Variants in MPP7 observed in about 807,000 individuals in gnomAD.
MPP7 encodes MAGUK p55 subfamily member 7.
MPP7 carries 60 observed loss-of-function variants against 76.5 expected under a neutral mutation model. The ratio of observed to expected loss-of-function variants is 0.78; its 90% CI spans 0.64 to 0.97. The LOEUF is 0.97. MPP7 is among the 50% of genes least tolerant of loss of function. The pLI is 0.00. For missense variants in MPP7, 641 were observed against 694.0 expected (o/e 0.92, Z 0.86); for synonymous variants, 237 against 244.5 (o/e 0.97, Z 0.29).
intron 1 of MPP7, among the ~76,000 whole-genome samples, chr10:28,281,291 A>G (rs537290007): frequency 1.1e-4 from 17 of 152,036 alleles, no homozygotes; most frequent in African/African-American, 3.6e-4. Context: ...GTTTTGCCAC[A>G]TTGGCCAGGC....
intron 3 of MPP7, among the ~76,000 whole-genome samples, chr10:28,186,826 C>T (rs754995968): frequency 9.9e-5 from 15 of 152,274 alleles, no homozygotes; most frequent in Non-Finnish European, 1.8e-4. Flanking sequence ...CAGTGGGAAA[C>T]GCTCATCTCT....
intron 1 of MPP7, among the ~76,000 whole-genome samples, chr10:28,297,333 A>T (rs1471774500): frequency 6.6e-6 from 1 of 152,184 alleles, no homozygotes; most frequent in Non-Finnish European, 1.5e-5. Context: ...TTTTGCCTTG[A>T]TGTTGATGGC....
chr10:28,320,686 T>C (rs2133183202), intron 2 of MPP7, among the ~76,000 whole-genome samples: 1 of 152,236 alleles, frequency 6.6e-6, no homozygotes, highest in South Asian at 2.1e-4. Context: ...TTATTCAGGG[T>C]GGGCGGTCCA....
chr10:28,146,730 C>G (rs1364053554), intron 5 of MPP7, among the ~76,000 whole-genome samples: 3 of 152,134 alleles, frequency 2.0e-5, no homozygotes, highest in African/African-American at 7.2e-5. Flanking sequence ...TCATCACAAG[C>G]TAAATGATCA....
rs921743844 is a variant in MPP7, at chr10:28,185,960, C to T, written c.156+16193G>A. Among the ~76,000 whole-genome samples the T allele has an allele frequency of 3.3e-5, 5 of 152,166 alleles. No homozygotes were observed. In the South Asian group the frequency reaches 1.0e-3, roughly 32 times the overall value. On this transcript the variant is annotated intron_variant, in intron 3 of 16. Transcript: ENST00000683449. Reference sequence around the variant, plus strand: ...TAGCCTCCACACAGCCTTGACACAGCAGATCCCACAGCACTCCCTTGTTCA... The same window carrying T: ...TAGCCTCCACACAGCCTTGACACAGTAGATCCCACAGCACTCCCTTGTTCA...
At chr10:28,167,023 T>C (rs915962456) in intron 3 of MPP7, among the ~76,000 whole-genome samples, 8 of 152,056 alleles carry the variant, frequency 5.3e-5, no homozygotes, top group African/African-American at 1.7e-4. Context: ...TGAACTCTGC[T>C]AGTGGGGCCG....
chr10:28,249,174 T>C (rs1299414039), intron 1 of MPP7, among the ~76,000 whole-genome samples: 1 of 152,042 alleles, frequency 6.6e-6, no homozygotes, highest in African/African-American at 2.4e-5. Flanking sequence ...TGTTTCTGCC[T>C]GTCCTCTTCT....
At chr10:28,274,155 T>G (rs1387000093) in intron 1 of MPP7, among the ~76,000 whole-genome samples, 2 of 144,864 alleles carry the variant, frequency 1.4e-5, no homozygotes, top group Non-Finnish European at 3.0e-5. Context: ...CAGGCTGGAG[T>G]GCAGTGGCGC....
At chr10:28,245,400 C>T (rs1839400603) in intron 1 of MPP7, among the ~76,000 whole-genome samples, 1 of 152,178 alleles carries the variant, frequency 6.6e-6, no homozygotes, top group Non-Finnish European at 1.5e-5. Flanking sequence ...TCATATGTCC[C>T]TAAAAACTGA....
At chr10:28,244,028 C>T (rs1839355111) in intron 1 of MPP7, among the ~76,000 whole-genome samples, 1 of 152,152 alleles carries the variant, frequency 6.6e-6, no homozygotes. Context: ...CAAGGTTTGG[C>T]AAACATTCTC....
At chr10:28,295,155 T>C (rs1166015490) in intron 1 of MPP7, among the ~76,000 whole-genome samples, 3 of 152,234 alleles carry the variant, frequency 2.0e-5, no homozygotes, top group Non-Finnish European at 4.4e-5. Context: ...GAACCACTGG[T>C]AGAAATTTTT....
chr10:28,218,152 G>A (rs958856496), intron 2 of MPP7, among the ~76,000 whole-genome samples: 1 of 152,190 alleles, frequency 6.6e-6, no homozygotes, highest in African/African-American at 2.4e-5. Flanking sequence ...TCAGTAGGGA[G>A]GAGGCCAAAA....
At chr10:28,084,722 A>G (rs1366603224) in intron 12 of MPP7, among the ~76,000 whole-genome samples, 5 of 152,220 alleles carry the variant, frequency 3.3e-5, no homozygotes, top group African/African-American at 1.2e-4. Flanking sequence ...CTTTCGTGGT[A>G]AGTGGAAGAC....
chr10:28,333,811 A>G (rs1379720942), intron 1 of MPP7, among the ~76,000 whole-genome samples: 1 of 152,226 alleles, frequency 6.6e-6, no homozygotes. Flanking sequence ...GGAAAAGCAG[A>G]GGTTTCCTCC....
chr10:28,058,663 G>T (rs1851657023), intron 14 of MPP7, 60 bp from the exon 15 acceptor site: 2 of 924,114 alleles, frequency 2.2e-6, no homozygotes, highest in African/African-American at 1.7e-5. Context: ...TAGGTGGCAA[G>T]ATAAAATTCA....
intron 3 of MPP7, among the ~76,000 whole-genome samples, chr10:28,192,634 T>C (rs1837447164): frequency 6.6e-6 from 1 of 152,186 alleles, no homozygotes. Context: ...AAGATCTCAA[T>C]AAATTGAGGA....
intron 3 of MPP7, among the ~76,000 whole-genome samples, chr10:28,161,061 G>A (rs1006136617): frequency 6.6e-6 from 1 of 152,096 alleles, no homozygotes; most frequent in Non-Finnish European, 1.5e-5. Flanking sequence ...AAACCTCAGC[G>A]ATTTATAACA....
chr10:28,189,323 G>A (rs1379937217), intron 3 of MPP7, among the ~76,000 whole-genome samples: 1 of 152,100 alleles, frequency 6.6e-6, no homozygotes, highest in East Asian at 1.9e-4. Flanking sequence ...AGCACTTTGG[G>A]AGGCTAAGGC....
chr10:28,263,976 A>T (rs1421653129), intron 1 of MPP7, among the ~76,000 whole-genome samples: 2 of 152,170 alleles, frequency 1.3e-5, no homozygotes, highest in Non-Finnish European at 2.9e-5. Context: ...TTTGAGAGAT[A>T]GGCACAGTTT....
Sources: allele counts gnomAD v4.1 joint callset (sites outside exome capture counted in the v4.1 genomes callset), GRCh38; gene constraint gnomAD v4.1.1; transcripts MANE v1.5; gene names NCBI Gene and HGNC (gene_info 2026-07-23, HGNC 2026-07-21).